Variants in COL4A1 observed in about 807,000 individuals in gnomAD.
The protein encoded by COL4A1 is collagen type IV alpha 1 chain, also known as collagen alpha-1(IV) chain.
Under a neutral mutation model 216.6 loss-of-function variants are expected in COL4A1, and 40 were observed. The ratio of observed to expected loss-of-function variants is 0.18; its 90% CI spans 0.14 to 0.24. The LOEUF (loss-of-function observed/expected upper bound fraction) is 0.24, where lower values mean the gene tolerates loss of function less well. Among genes scored for constraint, COL4A1 ranks in the 10% least tolerant of loss-of-function variants. COL4A1 has a pLI of 1.00. For synonymous variants in COL4A1, 839 were observed against 810.7 expected, an observed-to-expected ratio of 1.03 and a Z score of -0.59; for missense variants, 1,628 against 2,196.8, an observed-to-expected ratio of 0.74 and a Z score of 5.18.
intron 2 of COL4A1, among the ~76,000 whole-genome samples, chr13:110,237,698 C>T (rs1011810468): frequency 2.6e-5 from 4 of 152,224 alleles, no homozygotes; most frequent in African/African-American, 9.6e-5. Flanking sequence ...ACTCACAAGC[C>T]AGGATTTTTC....
intron 41 of COL4A1, among the ~76,000 whole-genome samples, chr13:110,171,873 G>A (rs1877658467): frequency 6.6e-6 from 1 of 152,230 alleles, no homozygotes; most frequent in Admixed American, 6.5e-5. Flanking sequence ...GTGAGTTAAG[G>A]GAGAGGGAAG....
At chr13:110,196,486 A>T (rs1313982364) in intron 21 of COL4A1, among the ~76,000 whole-genome samples, 1 of 152,222 alleles carries the variant, frequency 6.6e-6, no homozygotes, top group Non-Finnish European at 1.5e-5. Flanking sequence ...ATGTATGCTC[A>T]AGAATATTGA....
chr13:110,255,474 T>C (rs546757821), intron 1 of COL4A1, among the ~76,000 whole-genome samples: 1 of 138,466 alleles, frequency 7.2e-6, no homozygotes, highest in African/African-American at 2.8e-5. Flanking sequence ...TTCAGTGTCA[T>C]GAGGGGAAGA....
chr13:110,200,440 G>C (rs895367703), intron 20 of COL4A1, among the ~76,000 whole-genome samples: 3 of 152,220 alleles, frequency 2.0e-5, no homozygotes, highest in Non-Finnish European at 2.9e-5. Context: ...CTCCAGCTGG[G>C]AAACATCCCA....
chr13:110,236,199 T>C (rs1285490958), intron 2 of COL4A1, among the ~76,000 whole-genome samples: 2 of 152,220 alleles, frequency 1.3e-5, no homozygotes, highest in Admixed American at 6.5e-5. Context: ...CCTTATCACG[T>C]AGACATTGCA....
Position 110,299,398 on chromosome 13 carries a change from C to T in COL4A1, c.84+7546G>A, listed in dbSNP as rs1481386056. Reference sequence around the variant, plus strand: ...GCTGAAGGAGATCCTTGTGTGGGCCCTTCCAGCCCCAAGGGGTCTTGATGT... The same window carrying T: ...GCTGAAGGAGATCCTTGTGTGGGCCTTTCCAGCCCCAAGGGGTCTTGATGT... On this transcript the variant is annotated intron_variant, in intron 1 of 51. Transcript: ENST00000375820. Among the ~76,000 whole-genome samples the T allele has an allele frequency of 2.0e-5, 3 of 152,366 alleles. No homozygotes were observed. In the East Asian group the frequency reaches 5.8e-4, roughly 29 times the overall value.
At chr13:110,209,477 T>C (rs753129137) in intron 10 of COL4A1, 50 bp from the exon 11 acceptor site, 14 of 1,287,970 alleles carry the variant, frequency 1.1e-5, no homozygotes, top group Non-Finnish European at 1.3e-5. Context: ...TCTAGGGAGC[T>C]TTAAGCCCTT....
chr13:110,190,556 GCTAT>G (rs1403369839), intron 24 of COL4A1, among the ~76,000 whole-genome samples: 5 of 152,170 alleles, frequency 3.3e-5, no homozygotes, highest in African/African-American at 1.2e-4. Context: ...TCACAGAAAT[GCTAT>G]CTAAGTCAAA....
intron 44 of COL4A1, 79 bp downstream of exon 44, chr13:110,167,078 TA>T: frequency 8.7e-7 from 1 of 1,146,142 alleles, no homozygotes; most frequent in Non-Finnish European, 1.3e-6. Flanking sequence ...CTATCAGTGC[TA>T]AGGTGCCCGA....
At chr13:110,159,357 A>T (rs9301433) in intron 49 of COL4A1, among the ~76,000 whole-genome samples, 2,205 of 152,312 alleles carry the variant, frequency 0.014, 51 homozygotes, top group African/African-American at 0.05. Flanking sequence ...TACAATACAC[A>T]AACAGAGGAG....
intron 49 of COL4A1, 21 bp from the exon 50 acceptor site, chr13:110,155,418 C>T: frequency 6.3e-7 from 1 of 1,588,464 alleles, no homozygotes; most frequent in Non-Finnish European, 8.6e-7. Context: ...AGCAGAGACA[C>T]TCAGCACAGC....
chr13:110,168,799 T>A lies in COL4A1; in HGVS notation c.3876+830A>T, dbSNP rs558450843. Among the ~76,000 whole-genome samples, 133 of 152,308 alleles carry A rather than the reference T, an allele frequency of 8.7e-4. 4 individuals are homozygous for A. Among genetic ancestry groups the A allele is most frequent in the South Asian group, 1.7e-3 (8 of 4,828 alleles). ...CCCTCCTATTCATGATCTCCCCTGA[T>A]ATACTCTCTCTTTCTCCTAACGTGT... On this transcript the variant is annotated intron_variant, in intron 43 of 51. Coordinates refer to ENST00000375820, the MANE Select transcript of COL4A1 (RefSeq NM_001845.6).
chr13:110,178,037 C>T (rs1365738013), intron 32 of COL4A1, 27 bp downstream of exon 32: 1 of 1,614,150 alleles, frequency 6.2e-7, no homozygotes, highest in Admixed American at 1.7e-5. Flanking sequence ...CATGATGGAT[C>T]CAGGCAGAAG....
chr13:110,223,902 C>CT (rs1423318723), intron 2 of COL4A1, among the ~76,000 whole-genome samples: 2 of 152,178 alleles, frequency 1.3e-5, no homozygotes, highest in Non-Finnish European at 2.9e-5. Context: ...GGGAAGCCAA[C>CT]TGAGGAATGT....
intron 2 of COL4A1, among the ~76,000 whole-genome samples, chr13:110,217,928 C>T (rs1880169175): frequency 6.6e-6 from 1 of 152,146 alleles, no homozygotes; most frequent in Non-Finnish European, 1.5e-5. Context: ...TTAAAAAATC[C>T]TTAAAATGCG....
At chr13:110,175,942 C>T (rs947610887) in intron 36 of COL4A1, among the ~76,000 whole-genome samples, 19 of 152,340 alleles carry the variant, frequency 1.2e-4, no homozygotes, top group African/African-American at 4.6e-4. Flanking sequence ...CCATCACCAC[C>T]CAGCCCTTCC....
intron 35 of COL4A1, 37 bp from the exon 36 acceptor site, chr13:110,176,550 T>A: frequency 1.3e-6 from 2 of 1,595,744 alleles, no homozygotes; most frequent in Non-Finnish European, 1.7e-6. Context: ...CAGGTTGACA[T>A]CTACAGAAAG....
chr13:110,185,321 T>G (rs1878350808), intron 26 of COL4A1, among the ~76,000 whole-genome samples: 1 of 151,862 alleles, frequency 6.6e-6, no homozygotes, highest in Admixed American at 6.6e-5. Flanking sequence ...AACTTTTGTA[T>G]TTTTAGTAGA....
intron 2 of COL4A1, among the ~76,000 whole-genome samples, chr13:110,221,408 G>A (rs577376258): frequency 1.3e-5 from 2 of 152,144 alleles, no homozygotes; most frequent in South Asian, 2.1e-4. Flanking sequence ...AACTCAAGGG[G>A]GCCCTCAGTA....
Sources: allele counts gnomAD v4.1 joint callset (sites outside exome capture counted in the v4.1 genomes callset), GRCh38; gene constraint gnomAD v4.1.1; transcripts MANE v1.5; gene names NCBI Gene and HGNC (gene_info 2026-07-23, HGNC 2026-07-21).